CCT3: variants seen among roughly 807,000 people sequenced by gnomAD.
CCT3 encodes the protein T-complex protein 1 subunit gamma.
CCT3 carries 10 observed loss-of-function variants against 65.3 expected under a neutral mutation model. The ratio of observed to expected loss-of-function variants is 0.15; its 90% CI spans 0.09 to 0.26. The LOEUF (loss-of-function observed/expected upper bound fraction) is 0.26. CCT3 is among the 10% of genes least tolerant of loss of function. The probability of loss-of-function intolerance (pLI) is 1.00; values close to 1 mark genes in which losing one functional copy is unlikely to be tolerated. For missense variants in CCT3, 626 were observed against 708.7 expected (o/e 0.88, Z 1.33); for synonymous variants, 225 against 242.3 (o/e 0.93, Z 0.66).
chr1:156,325,092 GAA>G lies in CCT3; in HGVS notation c.305-5_305-4del, dbSNP rs1664744680. 1.4e-5 allele frequency: 22 copies of G among 1,593,864 alleles called. No homozygotes were observed. Among genetic ancestry groups the G allele is most frequent in the Non-Finnish European group, 1.9e-5 (22 of 1,164,512 alleles). ...AGCTACAGACAGCATTTCCCCTGCT[GAA>G]AAAGATACAAGCACCATAGTAATAT... On this transcript the variant is annotated splice_polypyrimidine_tract_variant and splice_region_variant and intron_variant, in intron 5 of 13. Coordinates refer to ENST00000295688, the MANE Select transcript of CCT3 (RefSeq NM_005998.5).
Position 156,311,090 on chromosome 1 carries a change from C to G in CCT3, c.1261G>C (p.Ala421Pro), listed in dbSNP as rs200835403. The change falls in exon 12 of 14, where the codon GCC becomes CCC. Residue 421 changes from alanine to proline, a missense_variant. Physicochemically the swap from Ala to Pro is conservative, Grantham distance 27. Transcript: ENST00000295688. ...ATGGCCTTGGATTTTTCTGTCAAGG[C>G]ATGGGCCACAGCCATCTCGGAGGCC... ...GGASEMAVAH[A>P]LTEKSKAMTG... 6.2e-7 allele frequency: 1 copy of G among 1,614,160 alleles called. No homozygotes were observed. The highest frequency in any genetic ancestry group is 1.7e-5 in the Admixed American group (1 of 60,024).
intron 5 of CCT3, among the ~76,000 whole-genome samples, chr1:156,328,218 GTCCGGGAGGGAGGTA>G (rs1664941028): frequency 8.6e-6 from 1 of 115,784 alleles, no homozygotes; most frequent in Non-Finnish European, 2.0e-5. Flanking sequence ...CAGTCCCCCC[GTCCGGGAGGGAGGTA>G]GGGGGGTCAG....
chr1:156,312,817 T>C (rs1046742006), intron 10 of CCT3, among the ~76,000 whole-genome samples: 1 of 152,208 alleles, frequency 6.6e-6, no homozygotes, highest in Non-Finnish European at 1.5e-5. Context: ...AGGTTTTATA[T>C]AGGTAAGAAC....
chr1:156,337,218 G>A, intron 1 of CCT3: 1 of 391,596 alleles, frequency 2.6e-6, no homozygotes, highest in Non-Finnish European at 4.6e-6. Context: ...GACCAGCCTG[G>A]TCAACATGGT....
intron 5 of CCT3, chr1:156,333,328 T>C (rs751283849): frequency 2.1e-6 from 1 of 479,306 alleles, no homozygotes; most frequent in South Asian, 2.3e-5. Context: ...TAACTTACAG[T>C]GAATAAAGAG....
intron 5 of CCT3, among the ~76,000 whole-genome samples, chr1:156,325,822 A>T (rs1242208214): frequency 2.0e-5 from 3 of 151,986 alleles, no homozygotes; most frequent in Non-Finnish European, 2.9e-5. Flanking sequence ...ACCTCAGGTG[A>T]TCTGTCCACC....
chr1:156,325,196 A>ATGTCATACCTTTTGGGAG, intron 5 of CCT3, 107 bp from the exon 6 acceptor site: 1 of 799,728 alleles, frequency 1.3e-6, no homozygotes, highest in Non-Finnish European at 2.1e-6. Context: ...ACTCTCCCAA[A>ATGTCATACCTTTTGGGAG]AGGTATGACA....
chr1:156,319,158 G>C (rs1467934330), intron 7 of CCT3, 141 bp from the exon 8 acceptor site: 2 of 674,656 alleles, frequency 3.0e-6, no homozygotes, highest in Non-Finnish European at 4.7e-6. Context: ...TGTCGCTCAG[G>C]CTGGAGTGCA....
At position 156,312,240 on chromosome 1, in the gene CCT3, G is replaced by A. The variant is rs1664113395; in HGVS notation, c.975-19C>T. 1 of 1,608,810 alleles carries A rather than the reference G, an allele frequency of 6.2e-7. No homozygotes were observed. The highest frequency in any genetic ancestry group is 8.5e-7 in the Non-Finnish European group (1 of 1,177,332). On this transcript the variant is annotated intron_variant, in intron 10 of 13. Transcript: ENST00000295688. ...ACAGGCTCTAATGGACGGAAGAGGT[G>A]GGGAGAATCAGATGATTTCAGATAC...
intron 10 of CCT3, among the ~76,000 whole-genome samples, chr1:156,314,023 G>A (rs1240994422): frequency 6.6e-6 from 1 of 151,248 alleles, no homozygotes; most frequent in East Asian, 1.9e-4. Flanking sequence ...GGAGGCGGAG[G>A]GTGCAGTGAG....
chr1:156,327,321 C>T (rs569731589), intron 5 of CCT3, among the ~76,000 whole-genome samples: 23 of 151,680 alleles, frequency 1.5e-4, no homozygotes, highest in African/African-American at 5.3e-4. Context: ...TCTCTTTCCA[C>T]GGTCTCCCTC....
intron 4 of CCT3, among the ~76,000 whole-genome samples, 197 bp downstream of exon 4, chr1:156,334,516 T>C (rs911839082): frequency 1.3e-5 from 2 of 152,162 alleles, no homozygotes; most frequent in African/African-American, 4.8e-5. Flanking sequence ...AGAAGGAGCA[T>C]GGCCCTACTG....
intron 5 of CCT3, among the ~76,000 whole-genome samples, chr1:156,326,536 G>A (rs1664813927): frequency 1.3e-5 from 2 of 151,008 alleles, no homozygotes; most frequent in Non-Finnish European, 2.9e-5. Context: ...TGTATTCCTA[G>A]CTACTCGGGA....
At chr1:156,331,475 G>A (rs1485735377) in intron 5 of CCT3, among the ~76,000 whole-genome samples, 5 of 152,116 alleles carry the variant, frequency 3.3e-5, no homozygotes, top group Non-Finnish European at 5.9e-5. Context: ...CTGAGCTCAG[G>A]AGTTCGAGAT....
Position 156,317,185 on chromosome 1 carries a change from C to T in CCT3, c.955G>A (p.Asp319Asn), listed in dbSNP as rs151252431. 3.1e-6 allele frequency: 5 copies of T among 1,614,070 alleles called. No individual in the cohort carries two copies. Among genetic ancestry groups the T allele is most frequent in the Non-Finnish European group, 4.2e-6 (5 of 1,180,008 alleles). ...ACTCACCTAGCAATGCGATTATTGT[C>T]TGTCTTCCGGACTCTGCGGATGGCT... is the stretch of plus-strand genomic sequence containing the variant. ...ITAIRRVRKT[D>N]NNRIARACGA... Residue 319 changes from aspartate to asparagine, a missense_variant, in exon 10 of 14, where the codon GAC becomes AAC. Asp to Asn is a conservative substitution (Grantham distance 23, BLOSUM62 1). Transcript: ENST00000295688.
Position 156,317,204 on chromosome 1 carries a change from G to A in CCT3, c.936C>T (p.Ile312=), listed in dbSNP as rs756024609. ...TATTGTCTGTCTTCCGGACTCTGCG[G>A]ATGGCTGTGATATTGGCCCGCATAA... is the stretch of plus-strand genomic sequence containing the variant. ...HYLMRANITA[I]RRVRKTDNNR... The change falls in exon 10 of 14, where the codon ATC becomes ATT. Residue 312 remains isoleucine (I), a synonymous_variant. Coordinates refer to ENST00000295688, the MANE Select transcript of CCT3 (RefSeq NM_005998.5). The A allele has an allele frequency of 6.8e-6, 11 of 1,614,090 alleles. No homozygotes were observed. The Admixed American group carries it at 1.7e-4, about 24-fold the overall frequency.
At chr1:156,322,325 C>T (rs534343579) in intron 6 of CCT3, among the ~76,000 whole-genome samples, 35 of 150,746 alleles carry the variant, frequency 2.3e-4, no homozygotes, top group Admixed American at 6.6e-4. Flanking sequence ...GGTGAAACCC[C>T]ATCTCTACTA....
At chr1:156,323,575 C>T (rs1664662667) in intron 6 of CCT3, among the ~76,000 whole-genome samples, 1 of 152,094 alleles carries the variant, frequency 6.6e-6, no homozygotes, top group Non-Finnish European at 1.5e-5. Flanking sequence ...TGCCATTCTC[C>T]TGCCTCAGCC....
At chr1:156,332,032 CAA>C (rs748216015) in intron 5 of CCT3, among the ~76,000 whole-genome samples, 1,463 of 102,088 alleles carry the variant, frequency 0.014, 10 homozygotes, top group Middle Eastern at 0.03. Flanking sequence ...GACTCCATCT[CAA>C]AAAAAAAAAG....
Sources: allele counts gnomAD v4.1 joint callset (sites outside exome capture counted in the v4.1 genomes callset), GRCh38; gene constraint gnomAD v4.1.1; transcripts MANE v1.5; gene names NCBI Gene and HGNC (gene_info 2026-07-23, HGNC 2026-07-21).